The following UBE3C variants were observed in gnomAD, a reference collection of about 807,000 sequenced individuals.
UBE3C encodes ubiquitin-protein ligase E3C.
UBE3C carries 42 observed loss-of-function variants against 129.4 expected under a neutral mutation model. The ratio of observed to expected loss-of-function variants is 0.32; its 90% CI spans 0.25 to 0.42. UBE3C has a LOEUF of 0.42. UBE3C is among the 10% of genes least tolerant of loss of function. UBE3C has a pLI of 1.00. For synonymous variants in UBE3C, 510 were observed against 492.4 expected, an observed-to-expected ratio of 1.04 and a Z score of -0.47; for missense variants, 1,049 against 1,319.1, an observed-to-expected ratio of 0.80 and a Z score of 3.17.
intron 1 of UBE3C, among the ~76,000 whole-genome samples, chr7:157,142,890 G>T (rs188612329): frequency 1.3e-5 from 2 of 148,622 alleles, no homozygotes; most frequent in East Asian, 2.0e-4. Flanking sequence ...TTTCGCTCAC[G>T]CTGGAGCGCA....
chr7:157,216,840 T>A, intron 13 of UBE3C, 27 bp from the exon 14 acceptor site: 1 of 1,572,466 alleles, frequency 6.4e-7, no homozygotes. Flanking sequence ...CTCACGTGTG[T>A]GACGCGGATA....
intron 18 of UBE3C, among the ~76,000 whole-genome samples, chr7:157,240,069 G>T (rs1217702306): frequency 1.3e-5 from 2 of 152,146 alleles, no homozygotes; most frequent in Non-Finnish European, 2.9e-5. Context: ...AGCAAGCTGT[G>T]TGTTTTGGTT....
At chr7:157,243,890 TGTTA>T (rs1796408917) in intron 18 of UBE3C, among the ~76,000 whole-genome samples, 1 of 152,174 alleles carries the variant, frequency 6.6e-6, no homozygotes, top group African/African-American at 2.4e-5. Context: ...AATAAATGTT[TGTTA>T]CATGAATGGG....
In UBE3C at chr7:157,138,931, C is replaced by T. The variant is rs1807339185; in HGVS notation, c.-342C>T. ...GCGCACGTCTGCAGGGCCGCGCACG[C>T]ACTGACGGCTGACCGCCATCTTCCC... On this transcript the variant is annotated 5_prime_UTR_variant, in exon 1 of 23. Coordinates refer to ENST00000348165, the MANE Select transcript of UBE3C (RefSeq NM_014671.3). 1 of 123,610 alleles carries T rather than the reference C, an allele frequency of 8.1e-6. No individual in the cohort carries two copies. Among genetic ancestry groups the T allele is most frequent in the African/African-American group, 3.4e-5 (1 of 29,280 alleles). 7.7% of individuals were successfully genotyped at this position (123,610 alleles called of 1,614,324 possible). A position where few individuals can be genotyped will look rare whatever the true frequency, so the allele number is the denominator to read the frequency against.
chr7:157,180,658 C>A (rs1808643687), intron 6 of UBE3C, among the ~76,000 whole-genome samples: 1 of 152,194 alleles, frequency 6.6e-6, no homozygotes, highest in Non-Finnish European at 1.5e-5. Flanking sequence ...GTAAATGATT[C>A]TGAAAGAATA....
chr7:157,254,171 C>T lies in UBE3C; in HGVS notation c.2883+29C>T, dbSNP rs750766583. ...CCCTACCTGCTGACTTTCTGGGACA[C>T]GCTTGTCACAGGAAATGAACAGGCT... On this transcript the variant is annotated intron_variant, in intron 20 of 22. Transcript: ENST00000348165. 7.5e-6 allele frequency: 12 copies of T among 1,609,342 alleles called. No individual in the cohort carries two copies. In the African/African-American group the frequency reaches 8.0e-5, roughly 11 times the overall value.
chr7:157,261,306 G>GA (rs57114090), intron 22 of UBE3C, among the ~76,000 whole-genome samples: 1,372 of 77,872 alleles, frequency 0.018, 17 homozygotes, highest in Non-Finnish European at 0.027. Flanking sequence ...AACTCTGTCT[G>GA]AAAAAAAAAA....
At chr7:157,212,599 A>G (rs764233452) in intron 13 of UBE3C, among the ~76,000 whole-genome samples, 1 of 152,238 alleles carries the variant, frequency 6.6e-6, no homozygotes, top group African/African-American at 2.4e-5. Flanking sequence ...ACAGTTGTCA[A>G]GTGTGATTTT....
chr7:157,145,377 G>A (rs1478582129), intron 1 of UBE3C, among the ~76,000 whole-genome samples: 1 of 152,000 alleles, frequency 6.6e-6, no homozygotes, highest in African/African-American at 2.4e-5. Context: ...AATTAGCCAG[G>A]CGTGGTGACA....
chr7:157,251,229 C>T (rs1388024471), intron 19 of UBE3C, among the ~76,000 whole-genome samples: 2 of 152,146 alleles, frequency 1.3e-5, no homozygotes, highest in Non-Finnish European at 2.9e-5. Flanking sequence ...TATGCAAATA[C>T]TTTATTGTGT....
chr7:157,248,243 G>C (rs890336002), intron 18 of UBE3C, 125 bp from the exon 19 acceptor site: 6 of 845,022 alleles, frequency 7.1e-6, no homozygotes, highest in Non-Finnish European at 1.1e-5. Context: ...TTCCATCTTC[G>C]GTACTATGAG....
chr7:157,190,923 C>T lies in UBE3C; in HGVS notation c.1331+3902C>T, dbSNP rs1046356358. ...GGTGTTTCGTGCCCCTTTCCTTTTG[C>T]GTATGCCAGTCTCTTCCAGTTAATG... On this transcript the variant is annotated intron_variant, in intron 10 of 22. Coordinates refer to ENST00000348165, the MANE Select transcript of UBE3C (RefSeq NM_014671.3). 9.2e-5 allele frequency among the ~76,000 whole-genome samples: 14 copies of T among 152,288 alleles called. No homozygotes were observed. The South Asian group carries it at 1.5e-3, about 16-fold the overall frequency.
intron 13 of UBE3C, among the ~76,000 whole-genome samples, chr7:157,213,667 G>A (rs1477831983): frequency 6.6e-6 from 1 of 152,150 alleles, no homozygotes; most frequent in Non-Finnish European, 1.5e-5. Flanking sequence ...AAATTTTCAT[G>A]TTTATATTTT....
At chr7:157,212,306 T>G (rs1190163173) in intron 13 of UBE3C, among the ~76,000 whole-genome samples, 2 of 152,258 alleles carry the variant, frequency 1.3e-5, no homozygotes, top group African/African-American at 2.4e-5. Flanking sequence ...TGATGCAATT[T>G]AGTCTTTCAG....
chr7:157,183,442 G>A (rs1386386711), intron 8 of UBE3C, among the ~76,000 whole-genome samples: 1 of 152,202 alleles, frequency 6.6e-6, no homozygotes, highest in Non-Finnish European at 1.5e-5. Flanking sequence ...ACCTCCCTGT[G>A]TTGAGCTCAT....
At chr7:157,219,715 A>G (rs1431891963) in intron 14 of UBE3C, among the ~76,000 whole-genome samples, 1 of 152,124 alleles carries the variant, frequency 6.6e-6, no homozygotes, top group African/African-American at 2.4e-5. Flanking sequence ...CCTGGCCAAC[A>G]TGGTGAAACC....
At chr7:157,218,454 AT>A (rs1460711025) in intron 14 of UBE3C, among the ~76,000 whole-genome samples, 1 of 152,170 alleles carries the variant, frequency 6.6e-6, no homozygotes, top group East Asian at 1.9e-4. Flanking sequence ...GTCTCAAAAA[AT>A]AAAAAAAAAA....
chr7:157,168,334 CA>C (rs34110466), intron 2 of UBE3C, among the ~76,000 whole-genome samples: 56,520 of 109,872 alleles, frequency 0.51, 12,556 homozygotes, highest in African/African-American at 0.69. Flanking sequence ...GACTCTGTCT[CA>C]AAAAAAAAAA....
intron 22 of UBE3C, among the ~76,000 whole-genome samples, chr7:157,264,838 C>G (rs983300977): frequency 6.6e-6 from 1 of 152,186 alleles, no homozygotes; most frequent in Non-Finnish European, 1.5e-5. Context: ...TCCCAAAATG[C>G]TGGGATTACA....
Sources: gnomAD v4.1 joint callset for allele counts (sites outside exome capture counted in the v4.1 genomes callset) on GRCh38, gnomAD v4.1.1 for gene constraint, MANE v1.5 for transcripts, NCBI Gene and HGNC (gene_info 2026-07-23, HGNC 2026-07-21) for gene names.